LOC128462377: variants seen among roughly 807,000 people sequenced by gnomAD.
chr16:89,367,097 C>T, the LOC128462377 span, among the ~76,000 whole-genome samples: 1 of 152,180 alleles, frequency 6.6e-6, no homozygotes, highest in Non-Finnish European at 1.5e-5. Flanking sequence ...GATGCCACCC[C>T]GAGACTCACC....
chr16:89,329,519 G>A, the LOC128462377 span, among the ~76,000 whole-genome samples: 3 of 152,132 alleles, frequency 2.0e-5, no homozygotes, highest in East Asian at 5.8e-4. Context: ...CCACTGAGCT[G>A]TAAATTTAAA....
the LOC128462377 span, among the ~76,000 whole-genome samples, chr16:89,325,913 C>T: frequency 6.6e-6 from 1 of 152,162 alleles, no homozygotes; most frequent in African/African-American, 2.4e-5. Context: ...AGGGCATGAG[C>T]ATGACGACGG....
At chr16:89,353,868 C>T in the LOC128462377 span, among the ~76,000 whole-genome samples, 4 of 152,330 alleles carry the variant, frequency 2.6e-5, no homozygotes, top group Non-Finnish European at 5.9e-5. Flanking sequence ...ACACCCGAAA[C>T]AAGACAGAGC....
chr16:89,417,044 T>C, the LOC128462377 span, among the ~76,000 whole-genome samples: 14 of 152,120 alleles, frequency 9.2e-5, no homozygotes, highest in African/African-American at 3.4e-4. Flanking sequence ...CTACAAACCA[T>C]CCCACAGATT....
chr16:89,328,230 C>T, the LOC128462377 span, among the ~76,000 whole-genome samples: 1 of 152,216 alleles, frequency 6.6e-6, no homozygotes, highest in Non-Finnish European at 1.5e-5. Context: ...AAAGCTGGAA[C>T]TCTCTCGCTT....
chr16:89,403,831 G>A, the LOC128462377 span: 1 of 152,170 alleles, frequency 6.6e-6, no homozygotes, highest in African/African-American at 2.4e-5. Flanking sequence ...TACTCGGAAG[G>A]CTGAGGAAGG....
the LOC128462377 span, among the ~76,000 whole-genome samples, chr16:89,334,013 A>G: frequency 2.0e-5 from 3 of 152,124 alleles, no homozygotes; most frequent in East Asian, 3.9e-4. Flanking sequence ...TTCTCAATCT[A>G]TAAAATACAG....
At chr16:89,337,622 A>G in the LOC128462377 span, among the ~76,000 whole-genome samples, 2 of 151,582 alleles carry the variant, frequency 1.3e-5, no homozygotes, top group African/African-American at 4.8e-5. Flanking sequence ...TATTTTTTAT[A>G]GTAGAGATGG....
the LOC128462377 span, among the ~76,000 whole-genome samples, chr16:89,356,577 C>T: frequency 1.3e-5 from 2 of 150,296 alleles, no homozygotes; most frequent in African/African-American, 4.9e-5. Context: ...CGAGACCATC[C>T]TGGCTAACAC....
chr16:89,408,734 C>T, the LOC128462377 span, among the ~76,000 whole-genome samples: 2 of 152,176 alleles, frequency 1.3e-5, no homozygotes, highest in African/African-American at 4.8e-5. Flanking sequence ...CTCACTCACT[C>T]ACTTCACTGA....
At chr16:89,323,255 C>T in the LOC128462377 span, 22 of 1,256,536 alleles carry the variant, frequency 1.8e-5, no homozygotes, top group Middle Eastern at 2.4e-3. Context: ...GGAAAAAGAG[C>T]TGCATACCTG....
the LOC128462377 span, among the ~76,000 whole-genome samples, chr16:89,334,366 C>G: frequency 6.6e-6 from 1 of 151,962 alleles, no homozygotes; most frequent in South Asian, 2.1e-4. Context: ...CAAGACTGAA[C>G]AGAAACAACC....
chr16:89,328,855 A>T, the LOC128462377 span: 2 of 125,510 alleles, frequency 1.6e-5, no homozygotes, highest in Non-Finnish European at 3.3e-5. Context: ...GCACGGGCGA[A>T]ATCAGTGGAG....
At chr16:89,320,436 G>A in the LOC128462377 span, 4 of 152,190 alleles carry the variant, frequency 2.6e-5, no homozygotes, top group African/African-American at 9.7e-5. Context: ...AGGCCACTGG[G>A]GCTGACTCAC....
the LOC128462377 span, among the ~76,000 whole-genome samples, chr16:89,318,474 G>A: frequency 1.3e-5 from 2 of 152,348 alleles, no homozygotes; most frequent in African/African-American, 2.4e-5. Flanking sequence ...CGACCATGCC[G>A]GGAGAAGCAG....
the LOC128462377 span, among the ~76,000 whole-genome samples, chr16:89,331,575 G>C: frequency 6.6e-6 from 1 of 152,162 alleles, no homozygotes; most frequent in East Asian, 1.9e-4. Flanking sequence ...TGGGTGTGTG[G>C]TGACACTGAG....
At chr16:89,324,107 C>T in the LOC128462377 span, 5 of 549,304 alleles carry the variant, frequency 9.1e-6, no homozygotes, top group African/African-American at 8.2e-5. Flanking sequence ...GCCTCGGCCT[C>T]CCAAAGTGCC....
At chr16:89,336,819 G>C in the LOC128462377 span, among the ~76,000 whole-genome samples, 1 of 152,206 alleles carries the variant, frequency 6.6e-6, no homozygotes, top group South Asian at 2.1e-4. Context: ...ATAAAGGAAT[G>C]TCTTTCCATT....
chr16:89,366,193 G>A, the LOC128462377 span, among the ~76,000 whole-genome samples: 1 of 150,468 alleles, frequency 6.6e-6, no homozygotes, highest in Non-Finnish European at 1.5e-5. Flanking sequence ...AGTATTCCAC[G>A]GTGTATATGC....
Sources: allele counts gnomAD v4.1 joint callset (sites outside exome capture counted in the v4.1 genomes callset), GRCh38; gene constraint gnomAD v4.1.1; transcripts MANE v1.5.